PPIP5K2: variants seen among roughly 807,000 people sequenced by gnomAD.
PPIP5K2 encodes inositol hexakisphosphate and diphosphoinositol-pentakisphosphate kinase 2.
A neutral mutation model predicts 154.6 loss-of-function variants in PPIP5K2; 105 were observed. The observed-to-expected ratio is 0.68, with a 90% CI of 0.58 to 0.80. The LOEUF (loss-of-function observed/expected upper bound fraction) is 0.80. Ranked by LOEUF, PPIP5K2 falls within the 30% of genes least tolerant of loss-of-function variation. The pLI is 0.00. For missense variants in PPIP5K2, 992 were observed against 1,504.6 expected, an observed-to-expected ratio of 0.66 and a Z score of 5.64; for synonymous variants, 480 against 490.3, an observed-to-expected ratio of 0.98 and a Z score of 0.28.
In PPIP5K2 at chr5:103,195,139, G is replaced by A. The variant is rs528570037; in HGVS notation, c.3619+114G>A. On this transcript the variant is annotated intron_variant, in intron 30 of 30. Coordinates refer to ENST00000358359, the MANE Select transcript of PPIP5K2 (RefSeq NM_001276277.3). ...TAGTATCTTTGCACTTCCCTAGAGC[G>A]TAATGATCCTAAGGGTTAAAAATCG... 153 of 1,312,688 alleles carry A rather than the reference G, an allele frequency of 1.2e-4. No homozygotes were observed. In the Middle Eastern group the frequency reaches 1.3e-3, roughly 12 times the overall value. The allele number at this position is 1,312,688 out of a possible 1,614,324, so 81.3% of individuals were successfully genotyped here.
chr5:103,182,128 G>A (rs1799639592), intron 24 of PPIP5K2, among the ~76,000 whole-genome samples: 1 of 152,084 alleles, frequency 6.6e-6, no homozygotes, highest in African/African-American at 2.4e-5. Flanking sequence ...ATTTGTGTGA[G>A]GGCAGTGATT....
intron 21 of PPIP5K2, among the ~76,000 whole-genome samples, chr5:103,175,457 G>A (rs1173202751): frequency 6.6e-6 from 1 of 152,138 alleles, no homozygotes; most frequent in East Asian, 1.9e-4. Flanking sequence ...GGAATTGTTT[G>A]TGAAGAGGAG....
At chr5:103,195,231 A>G (rs955970220) in intron 30 of PPIP5K2, among the ~76,000 whole-genome samples, 3 of 152,172 alleles carry the variant, frequency 2.0e-5, no homozygotes, top group Admixed American at 6.6e-5. Flanking sequence ...CACATCTGTT[A>G]ACAAAATATA....
intron 13 of PPIP5K2, 48 bp from the exon 14 acceptor site, chr5:103,155,861 T>C (rs1554213111): frequency 8.4e-7 from 1 of 1,194,846 alleles, no homozygotes; most frequent in South Asian, 1.2e-5. Flanking sequence ...TATGTGAGAA[T>C]TAGTTTTTCC....
intron 15 of PPIP5K2, 39 bp from the exon 16 acceptor site, chr5:103,158,413 T>G: frequency 6.3e-7 from 1 of 1,591,690 alleles, no homozygotes; most frequent in Non-Finnish European, 8.5e-7. Context: ...TACAATGAAA[T>G]GAAAATATAG....
At chr5:103,125,812 T>A (rs146825460) in intron 1 of PPIP5K2, among the ~76,000 whole-genome samples, 115 of 152,262 alleles carry the variant, frequency 7.6e-4, no homozygotes, top group African/African-American at 2.6e-3. Context: ...TTTTATATTT[T>A]AGCAGAGACG....
At chr5:103,174,951 C>G (rs548024672) in intron 21 of PPIP5K2, among the ~76,000 whole-genome samples, 1 of 152,090 alleles carries the variant, frequency 6.6e-6, no homozygotes, top group African/African-American at 2.4e-5. Context: ...CTCAGTGCCA[C>G]CCCCTCCACT....
At chr5:103,159,390 C>A in intron 17 of PPIP5K2, 62 bp downstream of exon 17, 1 of 1,322,608 alleles carries the variant, frequency 7.6e-7, no homozygotes, top group Non-Finnish European at 1.0e-6. Flanking sequence ...GTGATAAGTG[C>A]ATAAAACATA....
In PPIP5K2 at chr5:103,190,990, A is replaced by T. The variant is rs1554226772; in HGVS notation, c.3493+8A>T. The stretch of plus-strand genomic sequence containing the variant: ...GGAAGACCGCTGAAATTTGTAGGAA[A>T]TTTTTCTTTCATTGTTATTATTTAG... On this transcript the variant is annotated splice_region_variant and intron_variant, in intron 29 of 30. Transcript: ENST00000358359. 3 of 1,601,486 alleles carry T rather than the reference A, an allele frequency of 1.9e-6. No individual in the cohort carries two copies. The highest frequency in any genetic ancestry group is 1.7e-5 in the Admixed American group (1 of 57,210).
At chr5:103,166,143 A>G (rs1554217787) in intron 17 of PPIP5K2, among the ~76,000 whole-genome samples, 4 of 152,104 alleles carry the variant, frequency 2.6e-5, no homozygotes, top group Non-Finnish European at 5.9e-5. Flanking sequence ...GCAGAAGCAG[A>G]CTGGTCAAGA....
At chr5:103,193,151 G>A (rs1554227418) in intron 29 of PPIP5K2, among the ~76,000 whole-genome samples, 1 of 152,014 alleles carries the variant, frequency 6.6e-6, no homozygotes, top group African/African-American at 2.4e-5. Flanking sequence ...TAAATTAGTG[G>A]TCAAGCAAGA....
At chr5:103,201,491 A>AG in intron 30 of PPIP5K2, 31 bp from the exon 31 acceptor site, 1 of 1,249,266 alleles carries the variant, frequency 8.0e-7, no homozygotes, top group African/African-American at 1.6e-5. Flanking sequence ...TTTAAGCAAT[A>AG]GTTTTTTTTT....
Position 103,146,675 on chromosome 5 carries a change from T to C in PPIP5K2, c.636T>C (p.Phe212=). ...CTGGTGGTGGAAGTCAAAGACTCTT[T>C]AGAAAGGTAACACCTTTGTAACTTT... The part of the protein sequence containing the change: ...TSAGGGSQRL[F]RKIGSRSSVY... Residue 212 remains phenylalanine (F), a synonymous_variant, in exon 6 of 31, where the codon TTT becomes TTC. Transcript: ENST00000358359. 6.2e-7 allele frequency: 1 copy of C among 1,609,200 alleles called. No homozygotes were observed. The highest frequency in any genetic ancestry group is 8.5e-7 in the Non-Finnish European group (1 of 1,177,700).
At chr5:103,167,984 T>G (rs1797394187) in intron 18 of PPIP5K2, 88 bp from the exon 19 acceptor site, 1 of 842,250 alleles carries the variant, frequency 1.2e-6, no homozygotes, top group Non-Finnish European at 1.8e-6. Flanking sequence ...TTTTGACACT[T>G]TAAAAAGTTT....
At chr5:103,124,529 C>A (rs1474321040) in intron 1 of PPIP5K2, among the ~76,000 whole-genome samples, 1 of 152,052 alleles carries the variant, frequency 6.6e-6, no homozygotes, top group Non-Finnish European at 1.5e-5. Flanking sequence ...ACTTTCTGAA[C>A]CTCAAGTCTT....
chr5:103,189,037 A>G (rs1554226029), intron 28 of PPIP5K2: 5 of 586,726 alleles, frequency 8.5e-6, no homozygotes, highest in Non-Finnish European at 1.4e-5. Flanking sequence ...TATTTCCCCT[A>G]ACTTTCATGT....
chr5:103,186,391 T>C lies in PPIP5K2; in HGVS notation c.3241T>C (p.Tyr1081His). 6.2e-7 allele frequency: 1 copy of C among 1,613,972 alleles called. No homozygotes were observed. Residue 1081 changes from tyrosine (Y) to histidine (H), a missense_variant, in exon 27 of 31, where the codon TAT (tyrosine) becomes CAT (histidine). By Grantham distance (83) the Tyr-to-His change is moderately conservative (BLOSUM62 2). Coordinates refer to ENST00000358359, the MANE Select transcript of PPIP5K2 (RefSeq NM_001276277.3). ...TTCAAGCGCACCTAACCTACAGGATTATGCTCGTACTCATCGTAAAAAGCT... is the reference window on the plus strand; with the variant it reads ...TTCAAGCGCACCTAACCTACAGGATCATGCTCGTACTCATCGTAAAAAGCT... ...GSSSAPNLQD[Y>H]ARTHRKKLTS...
rs1214735212 is a variant in PPIP5K2, at chr5:103,208,940, T to C, written c.*7306T>C. On this transcript the variant is annotated 3_prime_UTR_variant, in exon 31 of 31. Coordinates refer to ENST00000358359, the MANE Select transcript of PPIP5K2 (RefSeq NM_001276277.3). ...CCTAATTTCTCCTTCATTTTCAAAC[T>C]GGATATCATTTCTTTTGTGGTTAAT... 6.6e-6 allele frequency: 1 copy of C among 152,166 alleles called. No individual in the cohort carries two copies. Among genetic ancestry groups the C allele is most frequent in the African/African-American group, 2.4e-5 (1 of 41,442 alleles). The allele number at this position is 152,166 out of a possible 1,614,324, so 9.4% of individuals were successfully genotyped here. A position where few individuals can be genotyped will look rare whatever the true frequency, so the allele number is the denominator to read the frequency against.
At chr5:103,168,332 G>A (rs1296465853) in intron 19 of PPIP5K2, 37 bp downstream of exon 19, 2 of 1,459,080 alleles carry the variant, frequency 1.4e-6, no homozygotes, top group East Asian at 2.3e-5. Flanking sequence ...TTATAATATT[G>A]AAAAAATACT....
Sources: gnomAD v4.1 joint callset for allele counts (sites outside exome capture counted in the v4.1 genomes callset) on GRCh38, gnomAD v4.1.1 for gene constraint, MANE v1.5 for transcripts, NCBI Gene and HGNC (gene_info 2026-07-23, HGNC 2026-07-21) for gene names.